The following EME2 variants were observed in gnomAD, a reference collection of about 807,000 sequenced individuals.
The protein encoded by EME2 is essential meiotic structure-specific endonuclease subunit 2.
Under a neutral mutation model 41.9 loss-of-function variants are expected in EME2, and 58 were observed. That is an observed-to-expected ratio of 1.38 (90% CI 1.12 to 1.72). The LOEUF (loss-of-function observed/expected upper bound fraction) is 1.72, where lower values mean the gene tolerates loss of function less well. Among genes scored for constraint, EME2 ranks in the 40% most tolerant of loss-of-function variants. The pLI is 0.00. For synonymous variants in EME2, 334 were observed against 239.3 expected (o/e 1.40, Z -3.65); for missense variants, 695 against 541.9 (o/e 1.28, Z -2.81).
chr16:1,773,015 C>T lies in EME2; in HGVS notation c.-213C>T, dbSNP rs919673500. On this transcript the variant is annotated 5_prime_UTR_variant, in exon 1 of 8. Transcript: ENST00000568449. ...GCCGCGTCAAGGTCTCGTAGTCCAC[C>T]GCGTAGAGCTGGGAGTCGCGCGGCC... The T allele has an allele frequency of 2.1e-6, 3 of 1,454,706 alleles. No individual in the cohort carries two copies. The highest frequency in any genetic ancestry group is 2.7e-5 in the Admixed American group (1 of 36,864). The allele number at this position is 1,454,706 out of a possible 1,614,324, so 90.1% of individuals were successfully genotyped here. A position where few individuals can be genotyped will look rare whatever the true frequency, so the allele number is the denominator to read the frequency against.
chr16:1,774,219 G>A (rs754600956), intron 2 of EME2, 41 bp from the exon 3 acceptor site: 1 of 1,581,342 alleles, frequency 6.3e-7, no homozygotes, highest in South Asian at 1.1e-5. Flanking sequence ...TGGGGCACCC[G>A]GGGTTGAGAC....
rs778172426 is a variant in EME2 at position 1,777,127 on chromosome 16, G to A, written c.*889G>A. On this transcript the variant is annotated 3_prime_UTR_variant, in exon 8 of 8. Transcript: ENST00000568449. ...TCCGGCGGCAGCGCTTCCTCTGGCA[G>A]GGCCGAGGCTCGCGACTGCTGGGGT... 2 of 1,611,634 alleles carry A rather than the reference G, an allele frequency of 1.2e-6. No individual in the cohort carries two copies. Among genetic ancestry groups the A allele is most frequent in the African/African-American group, 1.3e-5 (1 of 74,952 alleles).
In EME2 at chr16:1,780,844, C is replaced by G. The variant is rs1182526925; in HGVS notation, c.*4606C>G. ...ACCTCCCTGGCTCAAGCAATCCTCCCAGCTCAGCCTCCTGAGTCGTTGGGA... is the reference window on the plus strand; with the variant it reads ...ACCTCCCTGGCTCAAGCAATCCTCCGAGCTCAGCCTCCTGAGTCGTTGGGA... On this transcript the variant is annotated 3_prime_UTR_variant, in exon 8 of 8. Transcript: ENST00000568449. 2 of 302,712 alleles carry G rather than the reference C, an allele frequency of 6.6e-6. No homozygotes were observed. Among genetic ancestry groups the G allele is most frequent in the Non-Finnish European group, 1.3e-5 (2 of 154,950 alleles). The allele number at this position is 302,712 out of a possible 1,614,324, so 18.8% of individuals were successfully genotyped here. A position where few individuals can be genotyped will look rare whatever the true frequency, so the allele number is the denominator to read the frequency against.
chr16:1,778,221 T>C lies in EME2; in HGVS notation c.*1983T>C. 10 of 1,612,986 alleles carry C rather than the reference T, an allele frequency of 6.2e-6. No homozygotes were observed. The highest frequency in any genetic ancestry group is 8.5e-6 in the Non-Finnish European group (10 of 1,179,968). ...GCTCCTTGGTGCCCCGGATGGCCGC[T>C]GTGCCGCAGCTGTACTCCATGTGGA... On this transcript the variant is annotated 3_prime_UTR_variant, in exon 8 of 8. Coordinates refer to ENST00000568449, the MANE Select transcript of EME2 (RefSeq NM_001257370.2).
At chr16:1,775,474 G>A (rs959349884) in intron 5 of EME2, 66 bp downstream of exon 5, 9 of 1,600,198 alleles carry the variant, frequency 5.6e-6, no homozygotes, top group Non-Finnish European at 6.8e-6. Context: ...TGCTGGCTGG[G>A]TTTGGTTCCC....
In EME2 at chr16:1,780,974, C is replaced by A; in HGVS notation, c.*4736C>A. 1 of 372,654 alleles carries A rather than the reference C, an allele frequency of 2.7e-6. No homozygotes were observed. The highest frequency in any genetic ancestry group is 2.2e-5 in the South Asian group (1 of 45,646). The allele number at this position is 372,654 out of a possible 1,614,324, so 23.1% of individuals were successfully genotyped here. ...TCTCAAACTCCTGGGCTCAAGTGGT[C>A]CTCCAGCTTCAGCCTCCCAAAGTGC... On this transcript the variant is annotated 3_prime_UTR_variant, in exon 8 of 8. Transcript: ENST00000568449.
chr16:1,777,901 C>T lies in EME2; in HGVS notation c.*1663C>T, dbSNP rs573183239. 31 of 1,611,768 alleles carry T rather than the reference C, an allele frequency of 1.9e-5. No homozygotes were observed. In the South Asian group the frequency reaches 2.5e-4, roughly 13 times the overall value. ...GGGGCAGCCAGGGTCGCAGTGAGCC[C>T]GGGAGCTCCAGGCTCGGCCCCGCCC... On this transcript the variant is annotated 3_prime_UTR_variant, in exon 8 of 8. Coordinates refer to ENST00000568449, the MANE Select transcript of EME2 (RefSeq NM_001257370.2).
Position 1,780,938 on chromosome 16 carries a change from G to T in EME2, c.*4700G>T. 2.9e-6 allele frequency: 1 copy of T among 343,228 alleles called. No homozygotes were observed. The highest frequency in any genetic ancestry group is 5.7e-6 in the Non-Finnish European group (1 of 175,726). The allele number at this position is 343,228 out of a possible 1,614,324, so 21.3% of individuals were successfully genotyped here. ...TGTAGAGACAGTGTTTCACCATGTT[G>T]CCCAGGCAGGTCTCAAACTCCTGGG... On this transcript the variant is annotated 3_prime_UTR_variant, in exon 8 of 8. Coordinates refer to ENST00000568449, the MANE Select transcript of EME2 (RefSeq NM_001257370.2).
Position 1,777,045 on chromosome 16 carries a change from C to CA in EME2, c.*808dup. On this transcript the variant is annotated 3_prime_UTR_variant, in exon 8 of 8. Transcript: ENST00000568449. The stretch of plus-strand genomic sequence containing the variant: ...AAGGAAGGGACAGAGAAAGAAGGGA[C>CA]AGAGGAAAGGGGCTGTCCCAGCCCA... 6.4e-7 allele frequency: 1 copy of CA among 1,568,694 alleles called. No homozygotes were observed. Among genetic ancestry groups the CA allele is most frequent in the East Asian group, 2.2e-5 (1 of 44,492 alleles).
At position 1,776,980 on chromosome 16, in the gene EME2, C is replaced by T. The variant is rs957544415; in HGVS notation, c.*742C>T. 18 of 1,209,880 alleles carry T rather than the reference C, an allele frequency of 1.5e-5. No homozygotes were observed. The highest frequency in any genetic ancestry group is 3.0e-5 in the African/African-American group (2 of 65,994). 74.9% of individuals were successfully genotyped at this position (1,209,880 alleles called of 1,614,324 possible). A position where few individuals can be genotyped will look rare whatever the true frequency, so the allele number is the denominator to read the frequency against. ...CTCGGGAGCAAGAGATGGCTCCCTC[C>T]GGACGGGCCTCATCCAACTCCGCCC... On this transcript the variant is annotated 3_prime_UTR_variant, in exon 8 of 8. Coordinates refer to ENST00000568449, the MANE Select transcript of EME2 (RefSeq NM_001257370.2).
chr16:1,773,250 G>A lies in EME2; in HGVS notation c.23G>A (p.Arg8Lys), dbSNP rs1035717487. ...GCCATGGCGCGGGTTGGACCCGGGAGGGCGGGGGTCTCTTGCCAGGGCCGG... is the reference window on the plus strand; with the variant it reads ...GCCATGGCGCGGGTTGGACCCGGGAAGGCGGGGGTCTCTTGCCAGGGCCGG... Reference protein sequence around the residue: MARVGPGRAGVSCQGRGR... With the variant: MARVGPGKAGVSCQGRGR... Residue 8 changes from arginine to lysine, a missense_variant, in exon 1 of 8, where the codon AGG (arginine) becomes AAG (lysine). Coordinates refer to ENST00000568449, the MANE Select transcript of EME2 (RefSeq NM_001257370.2). 6.9e-7 allele frequency: 1 copy of A among 1,451,450 alleles called. No individual in the cohort carries two copies. The allele number at this position is 1,451,450 out of a possible 1,614,324, so 89.9% of individuals were successfully genotyped here.
rs749174212 is a variant in EME2, at chr16:1,775,141, C to A, written c.569+9C>A. On this transcript the variant is annotated intron_variant, in intron 4 of 7. Coordinates refer to ENST00000568449, the MANE Select transcript of EME2 (RefSeq NM_001257370.2). The stretch of plus-strand genomic sequence containing the variant: ...CTGGATGCCTACCTGTGGTACCGCT[C>A]ACTCTCATGCCCACAGCAGGGCTGG... The A allele has an allele frequency of 3.7e-6, 6 of 1,611,762 alleles. No homozygotes were observed. The highest frequency in any genetic ancestry group is 5.1e-6 in the Non-Finnish European group (6 of 1,179,584).
Position 1,778,544 on chromosome 16 carries a change from C to T in EME2, c.*2306C>T. On this transcript the variant is annotated 3_prime_UTR_variant, in exon 8 of 8. Coordinates refer to ENST00000568449, the MANE Select transcript of EME2 (RefSeq NM_001257370.2). ...CACAGTCACAGAAGGACTCGCCGGTCACGGGCACCGCACTGGGGATGGATG... is the reference window on the plus strand; with the variant it reads ...CACAGTCACAGAAGGACTCGCCGGTTACGGGCACCGCACTGGGGATGGATG... The T allele has an allele frequency of 6.2e-7, 1 of 1,608,454 alleles. No homozygotes were observed. The highest frequency in any genetic ancestry group is 8.5e-7 in the Non-Finnish European group (1 of 1,176,978).
rs1233128872 is a variant in EME2 at position 1,781,655 on chromosome 16, A to G, written c.*5417A>G. 5.9e-6 allele frequency: 4 copies of G among 677,686 alleles called. No homozygotes were observed. The allele number at this position is 677,686 out of a possible 1,614,324, so 42.0% of individuals were successfully genotyped here. A position where few individuals can be genotyped will look rare whatever the true frequency, so the allele number is the denominator to read the frequency against. Reference sequence around the variant, plus strand: ...GCTTCAGGAGCCCGTACCTCACTCCAGGATCTGAGCAGCTCAATAAAACCC... The same window carrying G: ...GCTTCAGGAGCCCGTACCTCACTCCGGGATCTGAGCAGCTCAATAAAACCC... On this transcript the variant is annotated 3_prime_UTR_variant, in exon 8 of 8. Coordinates refer to ENST00000568449, the MANE Select transcript of EME2 (RefSeq NM_001257370.2).
Position 1,774,349 on chromosome 16 carries a change from C to A in EME2, c.474C>A (p.Thr158=), listed in dbSNP as rs776554841. Residue 158 remains threonine (T), a synonymous_variant, in exon 3 of 8, where the codon ACC becomes ACA. Coordinates refer to ENST00000568449, the MANE Select transcript of EME2 (RefSeq NM_001257370.2). ...EEFLQGVATL[T]QISGPTHWVP... ...TTCTGCAGGGCGTCGCCACACTGAC[C>A]CAGGTGCTCGGGTGGTGGCAGTAGT... The A allele has an allele frequency of 1.2e-6, 2 of 1,612,476 alleles. No homozygotes were observed. Among genetic ancestry groups the A allele is most frequent in the Non-Finnish European group, 1.7e-6 (2 of 1,179,676 alleles).
Position 1,773,309 on chromosome 16 carries a change from C to A in EME2, c.82C>A (p.Pro28Thr). The change falls in exon 1 of 8, where the codon CCT becomes ACT. Residue 28 changes from proline (P) to threonine (T), a missense_variant. By Grantham distance (38) the Pro-to-Thr change is conservative. Coordinates refer to ENST00000568449, the MANE Select transcript of EME2 (RefSeq NM_001257370.2). ...RGRGGSGQRRPPTWEISDSDA... is the reference protein window; with the variant it reads ...RGRGGSGQRRTPTWEISDSDA... ...ACGGGGCGGGAGCGGTCAGCGGCGA[C>A]CTCCAACCTGGGAGATCTCAGACTC... is the stretch of plus-strand genomic sequence containing the variant. 1 of 1,501,534 alleles carries A rather than the reference C, an allele frequency of 6.7e-7. No homozygotes were observed. The highest frequency in any genetic ancestry group is 2.6e-5 in the East Asian group (1 of 39,078). The allele number at this position is 1,501,534 out of a possible 1,614,324, so 93.0% of individuals were successfully genotyped here. A position where few individuals can be genotyped will look rare whatever the true frequency, so the allele number is the denominator to read the frequency against.
chr16:1,778,029 G>A lies in EME2; in HGVS notation c.*1791G>A, dbSNP rs35816944. Reference sequence around the variant, plus strand: ...GCGGTATTTGTCCAGGTCCACATCCGACGTCCCGATGCCCACCATCTAGGA... The same window carrying A: ...GCGGTATTTGTCCAGGTCCACATCCAACGTCCCGATGCCCACCATCTAGGA... On this transcript the variant is annotated 3_prime_UTR_variant, in exon 8 of 8. Coordinates refer to ENST00000568449, the MANE Select transcript of EME2 (RefSeq NM_001257370.2). 8,651 of 1,613,216 alleles carry A rather than the reference G, an allele frequency of 5.4e-3. 36 individuals are homozygous for A. Among genetic ancestry groups the A allele is most frequent in the Non-Finnish European group, 6.4e-3 (7,593 of 1,179,992 alleles).
At position 1,777,551 on chromosome 16, in the gene EME2, C is replaced by A; in HGVS notation, c.*1313C>A. 7.3e-7 allele frequency: 1 copy of A among 1,365,884 alleles called. No individual in the cohort carries two copies. The highest frequency in any genetic ancestry group is 9.7e-7 in the Non-Finnish European group (1 of 1,030,462). The allele number at this position is 1,365,884 out of a possible 1,614,324, so 84.6% of individuals were successfully genotyped here. A position where few individuals can be genotyped will look rare whatever the true frequency, so the allele number is the denominator to read the frequency against. ...TCACCCGGGTGGGCAGCTGGCACAG[C>A]TGAGGCAAGGCAGGGTGCACGCGCT... is the stretch of plus-strand genomic sequence containing the variant. On this transcript the variant is annotated 3_prime_UTR_variant, in exon 8 of 8. Coordinates refer to ENST00000568449, the MANE Select transcript of EME2 (RefSeq NM_001257370.2).
intron 1 of EME2, 100 bp downstream of exon 1, chr16:1,773,574 C>G: frequency 6.6e-7 from 1 of 1,518,546 alleles, no homozygotes; most frequent in Non-Finnish European, 8.8e-7. Flanking sequence ...GCCGAGGGGC[C>G]TGGGGCCGGG....
Sources: gnomAD v4.1 joint callset for allele counts on GRCh38, gnomAD v4.1.1 for gene constraint, MANE v1.5 for transcripts, NCBI Gene and HGNC (gene_info 2026-07-23, HGNC 2026-07-21) for gene names.